AP2A2: variants seen among roughly 807,000 people sequenced by gnomAD.
The protein encoded by AP2A2 is adaptor related protein complex 2 subunit alpha 2, also known as AP-2 complex subunit alpha-2.
AP2A2 carries 32 observed loss-of-function variants against 104.2 expected under a neutral mutation model. The observed-to-expected ratio is 0.31, with a 90% CI of 0.23 to 0.41. AP2A2 has a LOEUF of 0.41. Ranked by LOEUF, AP2A2 falls within the 10% of genes least tolerant of loss-of-function variation. AP2A2 has a pLI of 1.00. For missense variants in AP2A2, 912 were observed against 1,261.0 expected, an observed-to-expected ratio of 0.72 and a Z score of 4.19; for synonymous variants, 539 against 533.3, an observed-to-expected ratio of 1.01 and a Z score of -0.15.
intron 1 of AP2A2, among the ~76,000 whole-genome samples, chr11:938,567 C>T (rs375129204): frequency 5.9e-5 from 9 of 151,678 alleles, no homozygotes; most frequent in East Asian, 5.8e-4. Context: ...CTCTGCCTCC[C>T]GGGTTCACGC....
At chr11:931,171 C>T (rs1047165583) in intron 1 of AP2A2, among the ~76,000 whole-genome samples, 2 of 152,122 alleles carry the variant, frequency 1.3e-5, no homozygotes, top group Admixed American at 6.5e-5. Context: ...ACAGTCCCAT[C>T]GAGGTCCATT....
chr11:1,008,937 A>G (rs1757194164), intron 18 of AP2A2, 163 bp from the exon 19 acceptor site: 2 of 618,640 alleles, frequency 3.2e-6, no homozygotes, highest in South Asian at 3.9e-5. Context: ...GACACTGGAC[A>G]CTGAGCCACA....
chr11:980,901 T>G (rs1369570988), intron 5 of AP2A2, among the ~76,000 whole-genome samples: 2 of 152,234 alleles, frequency 1.3e-5, no homozygotes, highest in African/African-American at 4.8e-5. Flanking sequence ...CAAGGTGGCG[T>G]GTGCAGCCCA....
intron 14 of AP2A2, among the ~76,000 whole-genome samples, chr11:999,717 C>T (rs1222870182): frequency 2.6e-5 from 4 of 152,052 alleles, no homozygotes; most frequent in Admixed American, 1.3e-4. Context: ...TAATAATGCA[C>T]CCGAGTAAGT....
At chr11:944,967 A>T (rs1051958804) in intron 1 of AP2A2, among the ~76,000 whole-genome samples, 1 of 152,126 alleles carries the variant, frequency 6.6e-6, no homozygotes, top group Non-Finnish European at 1.5e-5. Context: ...AATGCTAAAC[A>T]CTGAGTATCC....
rs768632247 is a variant in AP2A2, at chr11:1,010,752, C to T, written c.*127C>T. On this transcript the variant is annotated 3_prime_UTR_variant, in exon 22 of 22. Coordinates refer to ENST00000448903, the MANE Select transcript of AP2A2 (RefSeq NM_012305.4). Reference sequence around the variant, plus strand: ...AGCACAAGGCGCCTCCCCGCCCCGCCGCCCCACACCTCTCCCCTTTGGGCT... The same window carrying T: ...AGCACAAGGCGCCTCCCCGCCCCGCTGCCCCACACCTCTCCCCTTTGGGCT... The T allele has an allele frequency of 1.1e-4, 83 of 759,234 alleles. 1 individual carries two copies. Among genetic ancestry groups the T allele is most frequent in the Middle Eastern group, 3.1e-4 (1 of 3,204 alleles). The allele number at this position is 759,234 out of a possible 1,614,324, so 47.0% of individuals were successfully genotyped here. A position where few individuals can be genotyped will look rare whatever the true frequency, so the allele number is the denominator to read the frequency against.
rs1459056188 is a variant in AP2A2, at chr11:1,009,669, G to A, written c.2608-14G>A. On this transcript the variant is annotated splice_polypyrimidine_tract_variant and intron_variant, in intron 20 of 21. Transcript: ENST00000448903. ...CCCGCGCCAGGGTCCTCATTCTCCTGTTTCTTTGGACAGATCATTGGATTT... is the reference window on the plus strand; with the variant it reads ...CCCGCGCCAGGGTCCTCATTCTCCTATTTCTTTGGACAGATCATTGGATTT... 1.3e-6 allele frequency: 2 copies of A among 1,557,432 alleles called. No individual in the cohort carries two copies. The highest frequency in any genetic ancestry group is 2.7e-5 in the African/African-American group (2 of 73,714).
At chr11:929,620 C>A (rs1853222988) in intron 1 of AP2A2, among the ~76,000 whole-genome samples, 1 of 152,160 alleles carries the variant, frequency 6.6e-6, no homozygotes, top group Non-Finnish European at 1.5e-5. Flanking sequence ...TAGTGAGACC[C>A]CTGTCTTTTC....
In AP2A2 at chr11:985,348, C is replaced by T. The variant is rs374689112; in HGVS notation, c.815-87C>T. 9.4e-6 allele frequency: 14 copies of T among 1,484,344 alleles called. No homozygotes were observed. In the South Asian group the frequency reaches 1.5e-4, roughly 16 times the overall value. The allele number at this position is 1,484,344 out of a possible 1,614,324, so 91.9% of individuals were successfully genotyped here. On this transcript the variant is annotated intron_variant, in intron 7 of 21. Transcript: ENST00000448903. Reference sequence around the variant, plus strand: ...GTGAATGAACTATATTAAAAATGCTCTCATGATGTATGGGTGCAGCCGGGA... The same window carrying T: ...GTGAATGAACTATATTAAAAATGCTTTCATGATGTATGGGTGCAGCCGGGA...
At chr11:926,818 C>T (rs549534912) in intron 1 of AP2A2, among the ~76,000 whole-genome samples, 120 of 152,258 alleles carry the variant, frequency 7.9e-4, no homozygotes, top group African/African-American at 2.8e-3. Flanking sequence ...CGTGCCTGTC[C>T]CCTCGGGGTG....
intron 16 of AP2A2, among the ~76,000 whole-genome samples, chr11:1,005,296 G>T (rs747049970): frequency 1.3e-5 from 2 of 152,214 alleles, no homozygotes; most frequent in African/African-American, 4.8e-5. Context: ...CAGTGACTTC[G>T]TAGAGACAGA....
chr11:956,252 T>C (rs1854230455), intron 1 of AP2A2, among the ~76,000 whole-genome samples: 1 of 152,106 alleles, frequency 6.6e-6, no homozygotes, highest in Non-Finnish European at 1.5e-5. Flanking sequence ...AGCCTCTGCC[T>C]CCTGGGTTCA....
intron 9 of AP2A2, 92 bp from the exon 10 acceptor site, chr11:988,460 G>T (rs1198491943): frequency 2.0e-6 from 3 of 1,476,542 alleles, no homozygotes; most frequent in South Asian, 2.4e-5. Context: ...CTCAGAGTGG[G>T]TGTTGAGATG....
At position 955,368 on chromosome 11, in the gene AP2A2, G is replaced by A. The variant is rs1854201220; in HGVS notation, c.68-4069G>A. On this transcript the variant is annotated intron_variant, in intron 1 of 21. Coordinates refer to ENST00000448903, the MANE Select transcript of AP2A2 (RefSeq NM_012305.4). The stretch of plus-strand genomic sequence containing the variant: ...CAAGTCCAAAAAACCTGCCATCCTG[G>A]GGGGCATCAGGCTGCCAGCATCCTC... Among the ~76,000 whole-genome samples the A allele has an allele frequency of 3.3e-5, 5 of 152,286 alleles. No individual in the cohort carries two copies. In the South Asian group the frequency reaches 1.0e-3, roughly 32 times the overall value.
At chr11:926,384 C>T (rs1272773393) in intron 1 of AP2A2, among the ~76,000 whole-genome samples, 2 of 28,278 alleles carry the variant, frequency 7.1e-5, no homozygotes, top group Admixed American at 5.1e-4. Flanking sequence ...TCTGGGGGTG[C>T]GGGGTGGGGT....
At chr11:965,307 C>T (rs973093987) in intron 2 of AP2A2, among the ~76,000 whole-genome samples, 11 of 152,212 alleles carry the variant, frequency 7.2e-5, no homozygotes, top group African/African-American at 1.7e-4. Context: ...GGCAGGACAG[C>T]GGGAGATGTG....
intron 10 of AP2A2, among the ~76,000 whole-genome samples, chr11:991,485 G>A (rs565434237): frequency 6.6e-6 from 1 of 152,166 alleles, no homozygotes; most frequent in Non-Finnish European, 1.5e-5. Context: ...GCATCCGTTC[G>A]TGGAGGGGTG....
chr11:973,980 G>C (rs1160563734), intron 4 of AP2A2, among the ~76,000 whole-genome samples: 1 of 152,268 alleles, frequency 6.6e-6, no homozygotes, highest in Non-Finnish European at 1.5e-5. Context: ...GGCACGTGCA[G>C]ATTGATGAAG....
intron 4 of AP2A2, among the ~76,000 whole-genome samples, chr11:976,153 G>A (rs1855027398): frequency 6.6e-6 from 1 of 152,206 alleles, no homozygotes; most frequent in Non-Finnish European, 1.5e-5. Context: ...TGGACGCATG[G>A]CAGGGTGTGT....
Sources: gnomAD v4.1 joint callset for allele counts (sites outside exome capture counted in the v4.1 genomes callset) on GRCh38, gnomAD v4.1.1 for gene constraint, MANE v1.5 for transcripts, NCBI Gene and HGNC (gene_info 2026-07-23, HGNC 2026-07-21) for gene names.